Variants in FOCAD observed in about 807,000 individuals in gnomAD.
The protein encoded by FOCAD is KIAA1797.
FOCAD carries 198 observed loss-of-function variants against 225.6 expected under a neutral mutation model. The ratio of observed to expected loss-of-function variants is 0.88; its 90% confidence interval spans 0.78 to 0.99. FOCAD has a LOEUF of 0.99. Among genes scored for constraint, FOCAD ranks in the 50% least tolerant of loss-of-function variants. The pLI, the probability that FOCAD is intolerant of heterozygous loss-of-function variation, is 0.00. For synonymous variants in FOCAD, 897 were observed against 755.0 expected (o/e 1.19, Z -3.08); for missense variants, 2,713 against 2,123.6 (o/e 1.28, Z -5.46).
intron 35 of FOCAD, among the ~76,000 whole-genome samples, chr9:20,967,487 A>G (rs1203912744): frequency 6.6e-6 from 1 of 152,020 alleles, no homozygotes; most frequent in Non-Finnish European, 1.5e-5. Flanking sequence ...TTCCTTTCCA[A>G]TCTGAATGCC....
chr9:20,972,978 T>C (rs1024969636), intron 35 of FOCAD, among the ~76,000 whole-genome samples: 8 of 150,952 alleles, frequency 5.3e-5, no homozygotes, highest in Admixed American at 3.3e-4. Flanking sequence ...GATTTACTTC[T>C]GCTGACTTTG....
At chr9:20,868,216 C>G (rs987281515) in intron 18 of FOCAD, among the ~76,000 whole-genome samples, 8 of 152,096 alleles carry the variant, frequency 5.3e-5, no homozygotes, top group Non-Finnish European at 1.2e-4. Context: ...CATATGCAAA[C>G]ACCTGCCAAT....
chr9:20,805,761 C>T (rs566816786), intron 11 of FOCAD, among the ~76,000 whole-genome samples: 3 of 151,670 alleles, frequency 2.0e-5, no homozygotes, highest in South Asian at 2.1e-4. Flanking sequence ...GTTGGGAAGA[C>T]GAAGGAATAG....
intron 15 of FOCAD, among the ~76,000 whole-genome samples, chr9:20,848,210 A>G (rs1391530598): frequency 6.6e-6 from 1 of 152,086 alleles, no homozygotes; most frequent in Non-Finnish European, 1.5e-5. Context: ...ATGGGCGGCC[A>G]TGTAGAAATA....
intron 11 of FOCAD, among the ~76,000 whole-genome samples, chr9:20,795,941 T>A (rs902761319): frequency 2.0e-5 from 3 of 151,834 alleles, no homozygotes; most frequent in African/African-American, 7.3e-5. Context: ...ATTAGGTATA[T>A]CTCCTAATGC....
chr9:20,995,479 G>C lies in FOCAD; in HGVS notation c.5333-77G>C, dbSNP rs981398403. On this transcript the variant is annotated intron_variant, in intron 43 of 43. Transcript: ENST00000338382. ...TTGAACATTAGCCAAGTGAGAAAAAGACAAATTCTGTTCTGACACCTTTTT... is the reference window on the plus strand; with the variant it reads ...TTGAACATTAGCCAAGTGAGAAAAACACAAATTCTGTTCTGACACCTTTTT... 23 of 1,258,282 alleles carry C rather than the reference G, an allele frequency of 1.8e-5. No homozygotes were observed. In the African/African-American group the frequency reaches 2.7e-4, roughly 15 times the overall value. 77.9% of individuals were successfully genotyped at this position (1,258,282 alleles called of 1,614,324 possible).
chr9:20,827,638 G>C (rs964103113), intron 15 of FOCAD, among the ~76,000 whole-genome samples: 2 of 151,560 alleles, frequency 1.3e-5, no homozygotes, highest in Non-Finnish European at 2.9e-5. Flanking sequence ...AGACAGACAC[G>C]GAAAGAAAAA....
At chr9:20,972,577 C>T (rs1424158054) in intron 35 of FOCAD, among the ~76,000 whole-genome samples, 1 of 151,582 alleles carries the variant, frequency 6.6e-6, no homozygotes, top group Non-Finnish European at 1.5e-5. Flanking sequence ...TCTAGTTGTT[C>T]TGCTTTTCCT....
At chr9:20,673,394 T>A (rs933263510) in intron 2 of FOCAD, among the ~76,000 whole-genome samples, 7 of 152,166 alleles carry the variant, frequency 4.6e-5, no homozygotes, top group Non-Finnish European at 1.0e-4. Flanking sequence ...ATCGACAATG[T>A]GTAAGGGTTC....
chr9:20,767,700 A>T (rs1344763892), intron 7 of FOCAD, among the ~76,000 whole-genome samples: 5 of 142,002 alleles, frequency 3.5e-5, no homozygotes, highest in Non-Finnish European at 7.8e-5. Context: ...AATTTGTTTG[A>T]GTTCATTGTA....
At chr9:20,887,669 A>C (rs556241504) in intron 21 of FOCAD, among the ~76,000 whole-genome samples, 1 of 152,206 alleles carries the variant, frequency 6.6e-6, no homozygotes. Flanking sequence ...CTGTGTGAAC[A>C]TTCATTTTTC....
chr9:20,928,442 T>A (rs1300293721), intron 26 of FOCAD, among the ~76,000 whole-genome samples: 1 of 152,230 alleles, frequency 6.6e-6, no homozygotes, highest in African/African-American at 2.4e-5. Context: ...CATATTTTAA[T>A]GTGCTTTAAC....
In FOCAD at chr9:20,978,353, C is replaced by T; in HGVS notation, c.4276C>T (p.Gln1426Ter). ...MRLNFGEEIQ[Q>*]LCLEIMVTQA... ...TTGACTTTCAGGTGAAGAGATCCAG[C>T]AACTGTGCCTTGAAATTATGGTGAC... The change falls in exon 37 of 44, where the codon CAA (glutamine) becomes TAA (stop). Residue 1426 changes from glutamine to a stop codon, truncating the protein, a stop_gained. Transcript: ENST00000338382. LOFTEE classifies it high-confidence loss of function. The T allele has an allele frequency of 1.9e-6, 3 of 1,603,908 alleles. No homozygotes were observed. Among genetic ancestry groups the T allele is most frequent in the Non-Finnish European group, 2.6e-6 (3 of 1,173,966 alleles).
intron 21 of FOCAD, among the ~76,000 whole-genome samples, chr9:20,888,064 T>C (rs2131881684): frequency 6.6e-6 from 1 of 151,708 alleles, no homozygotes; most frequent in Admixed American, 6.6e-5. Flanking sequence ...GAGTGTTCTT[T>C]ATATATTCTG....
At chr9:20,844,438 G>C (rs1587377949) in intron 15 of FOCAD, among the ~76,000 whole-genome samples, 2 of 126,864 alleles carry the variant, frequency 1.6e-5, no homozygotes, top group East Asian at 5.0e-4. Flanking sequence ...TCGGCTCACT[G>C]CAACCTCTGC....
At chr9:20,691,476 AATTTT>A (rs1822973754) in intron 1 of FOCAD, among the ~76,000 whole-genome samples, 1 of 151,218 alleles carries the variant, frequency 6.6e-6, no homozygotes, top group South Asian at 2.1e-4. Context: ...TTAATTAATT[AATTTT>A]ATTTTATTAT....
chr9:20,827,759 T>C (rs1038084464), intron 15 of FOCAD, among the ~76,000 whole-genome samples: 8 of 151,720 alleles, frequency 5.3e-5, no homozygotes, highest in African/African-American at 1.5e-4. Context: ...GAAGAGGAAA[T>C]AGGAGATGTA....
chr9:20,682,918 G>A (rs1324376086), upstream of FOCAD, among the ~76,000 whole-genome samples: 1 of 152,134 alleles, frequency 6.6e-6, no homozygotes, highest in African/African-American at 2.4e-5. Context: ...CGTGACTGCA[G>A]GCGCGCAACC....
chr9:20,727,983 C>G (rs564665808), intron 4 of FOCAD, among the ~76,000 whole-genome samples: 5 of 152,130 alleles, frequency 3.3e-5, no homozygotes, highest in African/African-American at 4.8e-5. Flanking sequence ...ACCCAGCATA[C>G]GTGAGCAGTG....
Sources: gnomAD v4.1 joint callset for allele counts (sites outside exome capture counted in the v4.1 genomes callset) on GRCh38, gnomAD v4.1.1 for gene constraint, MANE v1.5 for transcripts, NCBI Gene and HGNC (gene_info 2026-07-23, HGNC 2026-07-21) for gene names.